NRXN1: variants seen among roughly 807,000 people sequenced by gnomAD.
NRXN1 encodes neurexin 1, also known as neurexin-1.
A neutral mutation model predicts 150.9 loss-of-function variants in NRXN1; 39 were observed. The ratio of observed to expected loss-of-function variants is 0.26; its 90% CI spans 0.20 to 0.34. NRXN1 has a LOEUF of 0.34. NRXN1 is among the 10% of genes least tolerant of loss of function. NRXN1 has a pLI of 1.00. For missense variants in NRXN1, 1,815 were observed against 1,949.9 expected (o/e 0.93, Z 1.30); for synonymous variants, 924 against 757.0 (o/e 1.22, Z -3.62).
chr2:50,187,365 C>T (rs2061148000), intron 18 of NRXN1, among the ~76,000 whole-genome samples: 1 of 152,014 alleles, frequency 6.6e-6, no homozygotes, highest in Non-Finnish European at 1.5e-5. Context: ...CCCATTTCTC[C>T]ACAAAGAGCT....
At chr2:50,987,396 T>G (rs998084706) in intron 2 of NRXN1, among the ~76,000 whole-genome samples, 4 of 151,938 alleles carry the variant, frequency 2.6e-5, no homozygotes, top group Admixed American at 2.0e-4. Context: ...CAGGCCAGAT[T>G]AACATATGAT....
intron 19 of NRXN1, among the ~76,000 whole-genome samples, chr2:50,086,892 T>C (rs1396836287): frequency 1.3e-5 from 2 of 152,072 alleles, no homozygotes; most frequent in East Asian, 3.9e-4. Flanking sequence ...TATTAAGTTG[T>C]TCATTAGCTT....
intron 8 of NRXN1, among the ~76,000 whole-genome samples, chr2:50,590,427 T>C (rs1214796013): frequency 6.6e-6 from 1 of 152,186 alleles, no homozygotes; most frequent in East Asian, 1.9e-4. Flanking sequence ...ATTCTGTTAG[T>C]ATGCACAGCT....
At chr2:50,491,079 T>C (rs2091225960) in intron 15 of NRXN1, among the ~76,000 whole-genome samples, 1 of 152,196 alleles carries the variant, frequency 6.6e-6, no homozygotes, top group South Asian at 2.1e-4. Flanking sequence ...AACATCACTC[T>C]TCCCTGAATA....
At chr2:50,487,167 C>G (rs745613762) in intron 15 of NRXN1, among the ~76,000 whole-genome samples, 2 of 151,956 alleles carry the variant, frequency 1.3e-5, no homozygotes, top group Non-Finnish European at 2.9e-5. Context: ...TACCTAATGC[C>G]TAGTAAAGGT....
intron 17 of NRXN1, among the ~76,000 whole-genome samples, chr2:50,381,196 A>G (rs1434926529): frequency 1.3e-5 from 2 of 151,896 alleles, no homozygotes; most frequent in African/African-American, 4.8e-5. Context: ...TCAAAAGCCT[A>G]GAGAACAAGA....
intron 17 of NRXN1, among the ~76,000 whole-genome samples, chr2:50,304,300 C>G (rs570042807): frequency 6.6e-6 from 1 of 152,024 alleles, no homozygotes; most frequent in South Asian, 2.1e-4. Flanking sequence ...GAGGACAATG[C>G]GGTCTTATTA....
chr2:50,118,418 G>T (rs1010525323), intron 18 of NRXN1, among the ~76,000 whole-genome samples: 3 of 151,640 alleles, frequency 2.0e-5, no homozygotes, highest in African/African-American at 7.3e-5. Context: ...TAAATTATAT[G>T]AAATTTCTCT....
intron 21 of NRXN1, among the ~76,000 whole-genome samples, chr2:49,992,415 A>ACAAG (rs1320080755): frequency 6.6e-6 from 1 of 151,156 alleles, no homozygotes; most frequent in African/African-American, 2.4e-5. Context: ...AAACAAACAA[A>ACAAG]CAAACAAAAA....
intron 17 of NRXN1, among the ~76,000 whole-genome samples, chr2:50,354,586 T>TATATATATACAC (rs1273118975): frequency 7.2e-5 from 9 of 124,840 alleles, no homozygotes; most frequent in Non-Finnish European, 1.2e-4. Context: ...TATATATATA[T>TATATATATACAC]ACACACACAC....
intron 5 of NRXN1, among the ~76,000 whole-genome samples, chr2:50,685,934 C>A (rs1159262697): frequency 6.6e-6 from 1 of 151,976 alleles, no homozygotes; most frequent in Non-Finnish European, 1.5e-5. Context: ...TTAACCGCAT[C>A]AAAAATATAG....
At chr2:50,038,093 A>T (rs1690324332) in intron 21 of NRXN1, among the ~76,000 whole-genome samples, 1 of 152,232 alleles carries the variant, frequency 6.6e-6, no homozygotes. Flanking sequence ...ATGTAGAGAT[A>T]CCTGAGGATA....
In NRXN1 at chr2:50,359,857, G is replaced by GA. The variant is rs368663736; in HGVS notation, c.3364+105584dup. On this transcript the variant is annotated intron_variant, in intron 17 of 22. Coordinates refer to ENST00000401669, the MANE Select transcript of NRXN1 (RefSeq NM_001330078.2). ...AAAAAATGTCAAGGGCACGCAGAGA[G>GA]AAAGGTTGGGCTACCCACAAATGGA... Among the ~76,000 whole-genome samples the GA allele has an allele frequency of 1.2e-4, 19 of 152,292 alleles. 1 individual carries two copies. Among genetic ancestry groups the GA allele is most frequent in the African/African-American group, 4.6e-4 (19 of 41,570 alleles).
At chr2:50,205,321 AAT>A (rs1199892072) in intron 18 of NRXN1, among the ~76,000 whole-genome samples, 1 of 152,110 alleles carries the variant, frequency 6.6e-6, no homozygotes, top group Non-Finnish European at 1.5e-5. Flanking sequence ...AAACTGATGG[AAT>A]GTGTAAAGTG....
At chr2:50,301,096 C>T (rs1021242585) in intron 17 of NRXN1, among the ~76,000 whole-genome samples, 1 of 152,156 alleles carries the variant, frequency 6.6e-6, no homozygotes, top group Non-Finnish European at 1.5e-5. Context: ...AGAAAAGAGC[C>T]ATCTCACTTG....
rs191615132 is a variant in NRXN1, at chr2:50,753,696, T to A, written c.833-130081A>T. On this transcript the variant is annotated intron_variant, in intron 5 of 22. Coordinates refer to ENST00000401669, the MANE Select transcript of NRXN1 (RefSeq NM_001330078.2). The stretch of plus-strand genomic sequence containing the variant: ...TAAAGAAAATAAATACCAGAAAAGG[T>A]TTAAGTAGGAAAAACTGCATGTTTT... 5.3e-5 allele frequency among the ~76,000 whole-genome samples: 8 copies of A among 151,668 alleles called. No individual in the cohort carries two copies. In the East Asian group the frequency reaches 1.6e-3, roughly 30 times the overall value.
intron 15 of NRXN1, among the ~76,000 whole-genome samples, chr2:50,473,780 C>G (rs2089736371): frequency 6.6e-6 from 1 of 151,974 alleles, no homozygotes; most frequent in Admixed American, 6.6e-5. Flanking sequence ...ATTCCTTGGT[C>G]TCCCATCCAG....
chr2:50,135,580 ACTCAGGAGG>A (rs527982021), intron 18 of NRXN1, among the ~76,000 whole-genome samples: 27 of 152,082 alleles, frequency 1.8e-4, no homozygotes, highest in Non-Finnish European at 3.2e-4. Context: ...AGACCCAGCT[ACTCAGGAGG>A]CTGAGGCGGG....
intron 12 of NRXN1, among the ~76,000 whole-genome samples, chr2:50,516,792 G>T (rs1276213293): frequency 1.3e-5 from 2 of 151,790 alleles, no homozygotes; most frequent in Non-Finnish European, 2.9e-5. Context: ...AGAGTCCTAA[G>T]GACAGACACA....
Sources: allele counts gnomAD v4.1 joint callset (sites outside exome capture counted in the v4.1 genomes callset), GRCh38; gene constraint gnomAD v4.1.1; transcripts MANE v1.5; gene names NCBI Gene and HGNC (gene_info 2026-07-23, HGNC 2026-07-21).